Variants in DOCK1 observed in about 807,000 individuals in gnomAD.
The protein encoded by DOCK1 is dedicator of cytokinesis 1, also known as dedicator of cytokinesis protein 1.
A neutral mutation model predicts 262.7 loss-of-function variants in DOCK1; 138 were observed. That is an observed-to-expected ratio of 0.53 (90% CI 0.46 to 0.61). The LOEUF is 0.61. DOCK1 is among the 20% of genes least tolerant of loss of function. The pLI is 0.00. For synonymous variants in DOCK1, 866 were observed against 867.4 expected, an observed-to-expected ratio of 1.00 and a Z score of 0.03; for missense variants, 1,908 against 2,370.7, an observed-to-expected ratio of 0.80 and a Z score of 4.05.
intron 40 of DOCK1, 106 bp downstream of exon 40, chr10:127,404,535 C>A: frequency 1.0e-6 from 1 of 1,004,846 alleles, no homozygotes; most frequent in Non-Finnish European, 1.5e-6. Context: ...TGGGATCGTG[C>A]AACTCTCTAC....
chr10:127,140,619 C>CGGTTGAGTTTGACACACCAAGTCTCTG (rs2051140110), intron 27 of DOCK1, among the ~76,000 whole-genome samples: 2 of 48,244 alleles, frequency 4.1e-5, no homozygotes, highest in Non-Finnish European at 1.4e-4. Context: ...CCAAGTCTCT[C>CGGTTGAGTTTGACACACCAAGTCTCTG]GGTTGAGTTT....
intron 29 of DOCK1, among the ~76,000 whole-genome samples, chr10:127,321,445 C>T (rs1031908929): frequency 4.1e-5 from 6 of 144,990 alleles, no homozygotes; most frequent in African/African-American, 1.3e-4. Context: ...GGTTCTTATT[C>T]TAAAATCTCT....
At chr10:127,347,339 A>G (rs1333030705) in intron 31 of DOCK1, among the ~76,000 whole-genome samples, 1 of 152,208 alleles carries the variant, frequency 6.6e-6, no homozygotes, top group Non-Finnish European at 1.5e-5. Context: ...AGCAAAAATC[A>G]TGAGTGGAGT....
At position 127,102,239 on chromosome 10, in the gene DOCK1, C is replaced by T. The variant is rs530069831; in HGVS notation, c.2446-3992C>T. 8.3e-4 allele frequency among the ~76,000 whole-genome samples: 126 copies of T among 152,262 alleles called. 2 individuals carry two copies. The highest frequency in any genetic ancestry group is 2.8e-3 in the African/African-American group (116 of 41,544). On this transcript the variant is annotated intron_variant, in intron 23 of 51. Transcript: ENST00000623213. ...AACCCCAAATCCCAGCAGTGCTGACCTGGGCCAAAGACTTCACTTTCACAT... is the reference window on the plus strand; with the variant it reads ...AACCCCAAATCCCAGCAGTGCTGACTTGGGCCAAAGACTTCACTTTCACAT...
In DOCK1 at chr10:127,300,754, A is replaced by G. The variant is rs1449113499; in HGVS notation, c.3045-38252A>G. 6.6e-5 allele frequency among the ~76,000 whole-genome samples: 10 copies of G among 151,932 alleles called. No individual in the cohort carries two copies. The South Asian group carries it at 1.7e-3, about 25-fold the overall frequency. On this transcript the variant is annotated intron_variant, in intron 29 of 51. Coordinates refer to ENST00000623213, the MANE Select transcript of DOCK1 (RefSeq NM_001290223.2). Reference sequence around the variant, plus strand: ...GCCTCCCCAGCCGTTTTCTCTCCCTAATTCTGGAGCCTGGCCTGCCTGTCC... The same window carrying G: ...GCCTCCCCAGCCGTTTTCTCTCCCTGATTCTGGAGCCTGGCCTGCCTGTCC...
intron 32 of DOCK1, among the ~76,000 whole-genome samples, chr10:127,356,399 A>G (rs2064146164): frequency 6.6e-6 from 1 of 152,076 alleles, no homozygotes; most frequent in South Asian, 2.1e-4. Context: ...CAATTCCAAA[A>G]CTCAATAATT....
intron 14 of DOCK1, among the ~76,000 whole-genome samples, chr10:127,024,222 G>A (rs2042660274): frequency 6.6e-6 from 1 of 152,186 alleles, no homozygotes; most frequent in Admixed American, 6.5e-5. Context: ...ACTCTGTCCA[G>A]CATCACTGCC....
At position 127,354,810 on chromosome 10, in the gene DOCK1, G is replaced by A. The variant is rs1422534384; in HGVS notation, c.3283+83G>A. 6 of 1,522,674 alleles carry A rather than the reference G, an allele frequency of 3.9e-6. No homozygotes were observed. In the East Asian group the frequency reaches 1.1e-4, roughly 29 times the overall value. 94.3% of individuals were successfully genotyped at this position (1,522,674 alleles called of 1,614,324 possible). ...CACTGGCCGTGTTCATCAGTGTTGG[G>A]ATGTCTTAAGATCTTAATGGCTTCT... On this transcript the variant is annotated intron_variant, in intron 32 of 51. Coordinates refer to ENST00000623213, the MANE Select transcript of DOCK1 (RefSeq NM_001290223.2).
At chr10:127,160,667 A>G (rs2053522542) in intron 27 of DOCK1, among the ~76,000 whole-genome samples, 1 of 152,242 alleles carries the variant, frequency 6.6e-6, no homozygotes, top group Non-Finnish European at 1.5e-5. Context: ...GTCACACTGA[A>G]TCAATTCAGA....
intron 35 of DOCK1, among the ~76,000 whole-genome samples, chr10:127,378,152 G>A (rs1310251232): frequency 6.6e-6 from 1 of 151,890 alleles, no homozygotes; most frequent in Non-Finnish European, 1.5e-5. Flanking sequence ...TCTGTGACTG[G>A]TAGGCGCATC....
Position 127,023,237 on chromosome 10 carries a change from A to C in DOCK1, c.1365A>C (p.Gln455His). 1 of 1,613,996 alleles carries C rather than the reference A, an allele frequency of 6.2e-7. No individual in the cohort carries two copies. Among genetic ancestry groups the C allele is most frequent in the South Asian group, 1.1e-5 (1 of 91,080 alleles). The change falls in exon 14 of 52, where the codon CAA (glutamine) becomes CAC (histidine). Residue 455 changes from glutamine (Q) to histidine (H), a missense_variant. Around this residue, in one of 9 missense-constraint regions of DOCK1, gnomAD observed 294 missense variants for 439.9 expected, o/e 0.67. Coordinates refer to ENST00000623213, the MANE Select transcript of DOCK1 (RefSeq NM_001290223.2). ...VRNDIYVTLV[Q>H]GDFDKGSKTT... ...ATGATATCTATGTAACATTAGTTCA[A>C]GGAGATTTTGATAAAGGAAGCAAAA...
At chr10:127,422,788 CA>C (rs1355231492) in intron 46 of DOCK1, among the ~76,000 whole-genome samples, 1 of 152,064 alleles carries the variant, frequency 6.6e-6, no homozygotes, top group African/African-American at 2.4e-5. Context: ...GTACGAAATT[CA>C]AAATTCCTCT....
chr10:127,295,250 G>A (rs531151364), intron 29 of DOCK1, among the ~76,000 whole-genome samples: 1 of 152,158 alleles, frequency 6.6e-6, no homozygotes, highest in Non-Finnish European at 1.5e-5. Flanking sequence ...CCTGGCAGAA[G>A]GCAGAAGGAG....
Position 127,061,729 on chromosome 10 carries a change from A to G in DOCK1, c.2398A>G (p.Ile800Val). Residue 800 changes from isoleucine (I) to valine (V), a missense_variant, in exon 23 of 52, where the codon ATC (isoleucine) becomes GTC (valine). Physicochemically the swap from Ile to Val is conservative, Grantham distance 29 (BLOSUM62 3). Transcript: ENST00000623213. ...ATCTTTGCTGCAGCTCTTCAGGTCC[A>G]TCAATGACATGATGAGCAGCATGTC... Reference protein sequence around the residue: ...VESLLQLFRSINDMMSSMSDQ... With the variant: ...VESLLQLFRSVNDMMSSMSDQ... The G allele has an allele frequency of 1.3e-6, 2 of 1,597,488 alleles. No individual in the cohort carries two copies. Among genetic ancestry groups the G allele is most frequent in the East Asian group, 2.3e-5 (1 of 44,324 alleles).
Position 127,433,195 on chromosome 10 carries a change from C to G in DOCK1, c.4915-88C>G, listed in dbSNP as rs72843725. 7,570 of 1,550,570 alleles carry G rather than the reference C, an allele frequency of 4.9e-3. 27 individuals carry two copies. Among genetic ancestry groups the G allele is most frequent in the Non-Finnish European group, 5.8e-3 (6,622 of 1,141,972 alleles). ...CTGAACGATGATGGTCTCGATTCCA[C>G]ACAGCTAAGGCCACTTTATCTCAGG... On this transcript the variant is annotated intron_variant, in intron 47 of 51. Transcript: ENST00000623213.
intron 22 of DOCK1, among the ~76,000 whole-genome samples, chr10:127,055,432 G>A (rs114211552): frequency 3.3e-5 from 5 of 152,218 alleles, no homozygotes; most frequent in Admixed American, 3.3e-4. Flanking sequence ...TCCCTAGAAA[G>A]TGTCATGTGC....
At chr10:126,956,185 G>A (rs1308181279) in intron 1 of DOCK1, among the ~76,000 whole-genome samples, 14 of 152,346 alleles carry the variant, frequency 9.2e-5, no homozygotes, top group African/African-American at 2.6e-4. Flanking sequence ...TGTCTGGGCC[G>A]CCTGTGCCTC....
chr10:127,436,590 T>G (rs1591055250), intron 48 of DOCK1, among the ~76,000 whole-genome samples: 1 of 151,852 alleles, frequency 6.6e-6, no homozygotes. Context: ...TGCCCCATCA[T>G]GCAGTCTTGA....
rs750708228 is a variant in DOCK1, at chr10:127,451,536, A to C, written c.*109A>C. The C allele has an allele frequency of 2.0e-5, 31 of 1,524,234 alleles. No homozygotes were observed. The highest frequency in any genetic ancestry group is 2.6e-5 in the Non-Finnish European group (29 of 1,136,850). 94.4% of individuals were successfully genotyped at this position (1,524,234 alleles called of 1,614,324 possible). Reference sequence around the variant, plus strand: ...ACCTCATTGGGCCTGTGATGTTAACATTTCGTGCGACTGCTTTTTCTTCAA... The same window carrying C: ...ACCTCATTGGGCCTGTGATGTTAACCTTTCGTGCGACTGCTTTTTCTTCAA... On this transcript the variant is annotated 3_prime_UTR_variant, in exon 52 of 52. Transcript: ENST00000623213.
Sources: gnomAD v4.1 joint callset for allele counts (sites outside exome capture counted in the v4.1 genomes callset) on GRCh38, gnomAD v4.1.1 for gene constraint, gnomAD v4.1.1 regional missense constraint, MANE v1.5 for transcripts, NCBI Gene and HGNC (gene_info 2026-07-23, HGNC 2026-07-21) for gene names.